Variants in RTF2 observed in about 807,000 individuals in gnomAD.
RTF2 encodes the protein UPF0549 protein C20orf43.
RTF2 carries 18 observed loss-of-function variants against 38.0 expected under a neutral mutation model. The observed-to-expected ratio is 0.47, with a 90% CI of 0.33 to 0.70. The LOEUF is 0.70. RTF2 is among the 30% of genes least tolerant of loss of function. The pLI is 0.02. For synonymous variants in RTF2, 126 were observed against 137.1 expected (o/e 0.92, Z 0.57); for missense variants, 311 against 379.6 (o/e 0.82, Z 1.50).
chr20:56,504,643 T>G (rs896935376), intron 5 of RTF2, among the ~76,000 whole-genome samples: 4 of 152,210 alleles, frequency 2.6e-5, no homozygotes, highest in African/African-American at 9.7e-5. Context: ...TAGGCTTTCC[T>G]CTTCCCTTCT....
intron 5 of RTF2, among the ~76,000 whole-genome samples, chr20:56,487,308 T>C (rs1350891080): frequency 6.6e-6 from 1 of 152,230 alleles, no homozygotes; most frequent in African/African-American, 2.4e-5. Flanking sequence ...GAAGTTTTAC[T>C]GAAAGCTAGT....
chr20:56,470,996 C>T (rs143512876), intron 1 of RTF2: 20 of 219,956 alleles, frequency 9.1e-5, no homozygotes, highest in African/African-American at 3.1e-4. Context: ...TCAAACTGGG[C>T]GGGGGGATCG....
intron 3 of RTF2, among the ~76,000 whole-genome samples, chr20:56,476,645 A>T (rs1162375103): frequency 6.6e-6 from 1 of 151,970 alleles, no homozygotes; most frequent in Non-Finnish European, 1.5e-5. Flanking sequence ...GATTACAGGC[A>T]TGTTCCACCA....
chr20:56,515,575 C>CAGAGAGAGAGAGAGAGAGAG (rs58977063), intron 6 of RTF2: 4 of 130,406 alleles, frequency 3.1e-5, no homozygotes, highest in Admixed American at 8.1e-5. Flanking sequence ...CTGTCTCAGA[C>CAGAGAGAGAGAGAGAGAGAG]AGAGAGAGAG....
chr20:56,483,785 T>C (rs1273265590), intron 4 of RTF2, among the ~76,000 whole-genome samples: 1 of 152,236 alleles, frequency 6.6e-6, no homozygotes, highest in African/African-American at 2.4e-5. Flanking sequence ...TCTATTATAG[T>C]GTTGACTATT....
intron 5 of RTF2, among the ~76,000 whole-genome samples, chr20:56,492,159 G>A (rs933749588): frequency 1.3e-5 from 2 of 152,014 alleles, no homozygotes; most frequent in Non-Finnish European, 2.9e-5. Context: ...GTTGTAAGTA[G>A]TTCATAAGAA....
intron 5 of RTF2, among the ~76,000 whole-genome samples, chr20:56,484,854 A>G (rs117725732): frequency 0.014 from 2,064 of 151,238 alleles, 20 homozygotes; most frequent in Middle Eastern, 0.041. Context: ...GTGCTGCTTC[A>G]TTTAACGTCA....
intron 5 of RTF2, among the ~76,000 whole-genome samples, chr20:56,489,887 A>C (rs963920720): frequency 2.0e-5 from 3 of 152,260 alleles, no homozygotes; most frequent in African/African-American, 2.4e-5. Context: ...ACAGCCTGTC[A>C]GCATGTAGCC....
rs200128431 is a variant in RTF2 at position 56,473,290 on chromosome 20, T to C, written c.70-11T>C. 1.4e-4 allele frequency: 229 copies of C among 1,605,374 alleles called. No homozygotes were observed. Among genetic ancestry groups the C allele is most frequent in the Non-Finnish European group, 1.7e-4 (205 of 1,173,002 alleles). Reference sequence around the variant, plus strand: ...AGTTGAAAATTAATTGAATTTTTTGTTTTTTATTAGGTCGACAAAGATGCT... The same window carrying C: ...AGTTGAAAATTAATTGAATTTTTTGCTTTTTATTAGGTCGACAAAGATGCT... On this transcript the variant is annotated splice_polypyrimidine_tract_variant and intron_variant, in intron 1 of 8. Coordinates refer to ENST00000357348, the MANE Select transcript of RTF2 (RefSeq NM_016407.5).
At chr20:56,509,229 C>T (rs142202013) in intron 5 of RTF2, among the ~76,000 whole-genome samples, 37 of 152,204 alleles carry the variant, frequency 2.4e-4, no homozygotes, top group Admixed American at 3.9e-4. Context: ...TCAGTTAGCA[C>T]GTGAAAAGAT....
rs73289069 is a variant in RTF2, at chr20:56,513,220, G to T, written c.478-95G>T. On this transcript the variant is annotated intron_variant, in intron 5 of 8. Coordinates refer to ENST00000357348, the MANE Select transcript of RTF2 (RefSeq NM_016407.5). ...GGTAATAGGAATTTACTCGGAGCCTGGGGGCCACTGCTTGGGGCTGAGAGT... is the reference window on the plus strand; with the variant it reads ...GGTAATAGGAATTTACTCGGAGCCTTGGGGCCACTGCTTGGGGCTGAGAGT... The T allele has an allele frequency of 2.2e-3, 3,274 of 1,475,500 alleles. 52 individuals are homozygous for T. The African/African-American group carries it at 0.041, about 18-fold the overall frequency. The allele number at this position is 1,475,500 out of a possible 1,614,324, so 91.4% of individuals were successfully genotyped here.
At chr20:56,516,626 C>G (rs1383273232) in intron 6 of RTF2, 3 of 447,548 alleles carry the variant, frequency 6.7e-6, no homozygotes, top group African/African-American at 3.9e-5. Context: ...AACATTGGCC[C>G]TTATTACTGA....
At chr20:56,513,612 G>A (rs574583963) in intron 6 of RTF2, among the ~76,000 whole-genome samples, 184 bp downstream of exon 6, 1 of 152,270 alleles carries the variant, frequency 6.6e-6, no homozygotes, top group East Asian at 1.9e-4. Flanking sequence ...GCTGTGGTGA[G>A]CACGGCGGCT....
In RTF2 at chr20:56,518,381, G is replaced by A. The variant is rs1018757598; in HGVS notation, c.*116G>A. ...TCTCTCTATAGTTCTGTGTCATAAAGCTGTCCTGGCCAGCCTTCAAGCTGG... is the reference window on the plus strand; with the variant it reads ...TCTCTCTATAGTTCTGTGTCATAAAACTGTCCTGGCCAGCCTTCAAGCTGG... On this transcript the variant is annotated 3_prime_UTR_variant, in exon 9 of 9. Transcript: ENST00000357348. 82 of 1,092,344 alleles carry A rather than the reference G, an allele frequency of 7.5e-5. No individual in the cohort carries two copies. Among genetic ancestry groups the A allele is most frequent in the Non-Finnish European group, 1.1e-4 (82 of 772,108 alleles). The allele number at this position is 1,092,344 out of a possible 1,614,324, so 67.7% of individuals were successfully genotyped here. A position where few individuals can be genotyped will look rare whatever the true frequency, so the allele number is the denominator to read the frequency against.
chr20:56,479,695 A>G (rs962131883), intron 4 of RTF2, among the ~76,000 whole-genome samples: 6 of 152,216 alleles, frequency 3.9e-5, no homozygotes, highest in African/African-American at 1.4e-4. Context: ...ACCTTGATCC[A>G]TGGGCTGCAG....
chr20:56,487,341 T>C (rs952738332), intron 5 of RTF2, among the ~76,000 whole-genome samples: 5 of 152,278 alleles, frequency 3.3e-5, no homozygotes, highest in African/African-American at 1.2e-4. Flanking sequence ...GTCTGTACCT[T>C]GCACTTCAAG....
rs1218300798 is a variant in RTF2 at position 56,501,689 on chromosome 20, C to CA, written c.478-11620dup. ...CGATGTAGTGAGACCCCTTCTCTAC[C>CA]AAAAAATAAAAAAATAATTAGCCAA... is the stretch of plus-strand genomic sequence containing the variant. On this transcript the variant is annotated intron_variant, in intron 5 of 8. Transcript: ENST00000357348. 4.0e-5 allele frequency among the ~76,000 whole-genome samples: 6 copies of CA among 151,878 alleles called. No individual in the cohort carries two copies. The East Asian group carries it at 5.8e-4, about 15-fold the overall frequency.
chr20:56,495,667 C>T (rs530963110), intron 5 of RTF2, among the ~76,000 whole-genome samples: 85 of 152,174 alleles, frequency 5.6e-4, no homozygotes, highest in Non-Finnish European at 9.4e-4. Context: ...TAACAGCCCT[C>T]GGAGATTATT....
intron 2 of RTF2, 22 bp from the exon 3 acceptor site, chr20:56,474,656 A>T: frequency 6.6e-7 from 1 of 1,506,506 alleles, no homozygotes; most frequent in Admixed American, 1.9e-5. Flanking sequence ...TTGACATAAT[A>T]TTCTAATACT....
Sources: allele counts gnomAD v4.1 joint callset (sites outside exome capture counted in the v4.1 genomes callset), GRCh38; gene constraint gnomAD v4.1.1; transcripts MANE v1.5; gene names NCBI Gene and HGNC (gene_info 2026-07-23, HGNC 2026-07-21).